Variants in APBB2 observed in about 807,000 individuals in gnomAD.
APBB2 encodes the protein Fe65-like 1.
Under a neutral mutation model 82.5 loss-of-function variants are expected in APBB2, and 38 were observed. The observed-to-expected ratio is 0.46, with a 90% CI of 0.36 to 0.60. The LOEUF (loss-of-function observed/expected upper bound fraction) is 0.60. APBB2 is among the 20% of genes least tolerant of loss of function. The pLI is 0.00. For missense variants in APBB2, 772 were observed against 972.3 expected, an observed-to-expected ratio of 0.79 and a Z score of 2.74; for synonymous variants, 341 against 368.2, an observed-to-expected ratio of 0.93 and a Z score of 0.85.
At chr4:41,184,695 A>C (rs1297020499) in intron 1 of APBB2, among the ~76,000 whole-genome samples, 1 of 152,218 alleles carries the variant, frequency 6.6e-6, no homozygotes, top group African/African-American at 2.4e-5. Flanking sequence ...CTTGCTGAGC[A>C]AATGCAGGTA....
chr4:40,932,687 G>A (rs771650354), intron 10 of APBB2, among the ~76,000 whole-genome samples: 3 of 152,086 alleles, frequency 2.0e-5, no homozygotes, highest in Non-Finnish European at 4.4e-5. Context: ...TAGACAAGGT[G>A]GAATTCCATG....
chr4:41,132,151 T>A (rs910854132), intron 2 of APBB2, among the ~76,000 whole-genome samples: 1 of 152,182 alleles, frequency 6.6e-6, no homozygotes, highest in African/African-American at 2.4e-5. Context: ...ACTACCATTA[T>A]CTACATTGTA....
chr4:40,966,577 T>C (rs1339835399), intron 6 of APBB2, among the ~76,000 whole-genome samples: 1 of 152,234 alleles, frequency 6.6e-6, no homozygotes, highest in Non-Finnish European at 1.5e-5. Flanking sequence ...CAGAAGTGCC[T>C]GTTCCTGCTG....
chr4:40,904,615 G>A (rs60442914), intron 10 of APBB2, among the ~76,000 whole-genome samples: 2,322 of 151,000 alleles, frequency 0.015, 51 homozygotes, highest in African/African-American at 0.054. Context: ...GGCATTTGTG[G>A]TCATTACAGG....
chr4:41,008,235 G>A (rs1017970999), intron 6 of APBB2, among the ~76,000 whole-genome samples: 6 of 152,190 alleles, frequency 3.9e-5, no homozygotes, highest in African/African-American at 1.4e-4. Context: ...ACCACCAACA[G>A]GGTTTGGCAC....
At chr4:41,043,222 A>G (rs1722180936) in intron 4 of APBB2, among the ~76,000 whole-genome samples, 2 of 152,160 alleles carry the variant, frequency 1.3e-5, no homozygotes, top group Admixed American at 6.6e-5. Context: ...TATTATTTCT[A>G]TTAGAAAAAA....
At chr4:40,876,590 T>C (rs926828328) in intron 12 of APBB2, among the ~76,000 whole-genome samples, 1 of 152,228 alleles carries the variant, frequency 6.6e-6, no homozygotes, top group African/African-American at 2.4e-5. Context: ...CTCAAGCCTC[T>C]TATATAAAAT....
At chr4:41,128,096 A>G (rs1754915314) in intron 2 of APBB2, among the ~76,000 whole-genome samples, 1 of 152,172 alleles carries the variant, frequency 6.6e-6, no homozygotes, top group African/African-American at 2.4e-5. Flanking sequence ...AAAAAGAAAA[A>G]AAGAGCAAAA....
intron 6 of APBB2, among the ~76,000 whole-genome samples, chr4:40,964,753 A>AACACACACACACACACACACACAC (rs61087697): frequency 0.095 from 13,279 of 139,446 alleles, 761 homozygotes; most frequent in Non-Finnish European, 0.1. Flanking sequence ...CCATTGAATA[A>AACACACACACACACACACACACAC]ACACACACAC....
intron 10 of APBB2, among the ~76,000 whole-genome samples, chr4:40,922,800 T>A (rs1216560776): frequency 6.6e-6 from 1 of 150,846 alleles, no homozygotes; most frequent in Non-Finnish European, 1.5e-5. Flanking sequence ...TTTTTTTTTT[T>A]ATAGAAGGGG....
chr4:41,208,869 A>G (rs9291387), intron 1 of APBB2, among the ~76,000 whole-genome samples: 27,575 of 152,152 alleles, frequency 0.18, 3,166 homozygotes, highest in African/African-American at 0.32. Context: ...ATATCAATAA[A>G]TTATATATTG....
chr4:41,019,013 C>T (rs1297964765), intron 5 of APBB2, among the ~76,000 whole-genome samples: 1 of 152,144 alleles, frequency 6.6e-6, no homozygotes, highest in Non-Finnish European at 1.5e-5. Context: ...TCCCATTAGC[C>T]ACTTGGATTC....
chr4:40,830,968 A>T (rs1751673066), intron 12 of APBB2, among the ~76,000 whole-genome samples: 1 of 152,212 alleles, frequency 6.6e-6, no homozygotes, highest in African/African-American at 2.4e-5. Flanking sequence ...GTGCAGTGGC[A>T]TGTATCTGCA....
intron 12 of APBB2, among the ~76,000 whole-genome samples, chr4:40,836,753 T>TTA (rs1224423318): frequency 6.6e-6 from 1 of 152,168 alleles, no homozygotes; most frequent in Non-Finnish European, 1.5e-5. Flanking sequence ...GACCTTGGCC[T>TTA]CCTGGACCCT....
At chr4:41,102,167 A>G (rs1263451998) in intron 2 of APBB2, among the ~76,000 whole-genome samples, 1 of 152,164 alleles carries the variant, frequency 6.6e-6, no homozygotes. Context: ...GAAGCGTGAT[A>G]CACTCATTTA....
chr4:40,972,441 AT>A lies in APBB2; in HGVS notation c.836-27369del, dbSNP rs199738483. 4.4e-3 allele frequency among the ~76,000 whole-genome samples: 635 copies of A among 143,234 alleles called. 3 individuals are homozygous for A. The highest frequency in any genetic ancestry group is 0.01 in the African/African-American group (412 of 39,524). The allele number at this position is 143,234 out of a possible 152,430, so 94.0% of individuals were successfully genotyped here. A position where few individuals can be genotyped will look rare whatever the true frequency, so the allele number is the denominator to read the frequency against. On this transcript the variant is annotated intron_variant, in intron 6 of 17. Coordinates refer to ENST00000508593, the MANE Select transcript of APBB2 (RefSeq NM_004307.2). ...AGACTCCATCTCAAAAAAAAAAAAA[AT>A]AATAATAAATAAATAAATAAAATAG...
intron 5 of APBB2, among the ~76,000 whole-genome samples, chr4:41,016,600 G>A (rs921972609): frequency 1.3e-5 from 2 of 152,056 alleles, no homozygotes; most frequent in African/African-American, 4.8e-5. Context: ...GCAGTGAGAC[G>A]AGATCGCCCC....
At chr4:40,898,541 A>C (rs13151038) in intron 10 of APBB2, among the ~76,000 whole-genome samples, 2 of 152,026 alleles carry the variant, frequency 1.3e-5, no homozygotes, top group African/African-American at 4.8e-5. Context: ...CTGGGATTAT[A>C]GGCATTTGCC....
chr4:41,030,262 C>A (rs1007736260), intron 5 of APBB2, among the ~76,000 whole-genome samples: 4 of 152,160 alleles, frequency 2.6e-5, no homozygotes, highest in African/African-American at 9.7e-5. Flanking sequence ...CCATTCCCAA[C>A]ATAACACCTG....
Sources: gnomAD v4.1 joint callset for allele counts (sites outside exome capture counted in the v4.1 genomes callset) on GRCh38, gnomAD v4.1.1 for gene constraint, MANE v1.5 for transcripts, NCBI Gene and HGNC (gene_info 2026-07-23, HGNC 2026-07-21) for gene names.